The following LIMS1 variants were observed in gnomAD, a reference collection of about 807,000 sequenced individuals.
The protein encoded by LIMS1 is LIM zinc finger domain containing 1, also known as LIM and senescent cell antigen-like-containing domain protein 1.
In LIMS1, 18 loss-of-function variants were observed where a neutral mutation model predicts 44.1. That is an observed-to-expected ratio of 0.41 (90% CI 0.28 to 0.61). The LOEUF (loss-of-function observed/expected upper bound fraction) is 0.61. Among genes scored for constraint, LIMS1 ranks in the 20% least tolerant of loss-of-function variants. LIMS1 has a pLI of 0.32. For synonymous variants in LIMS1, 93 were observed against 149.1 expected (o/e 0.62, Z 2.74); for missense variants, 201 against 422.0 (o/e 0.48, Z 4.59).
At chr2:108,535,119 G>T (rs1258845749) in intron 1 of LIMS1, among the ~76,000 whole-genome samples, 2 of 152,182 alleles carry the variant, frequency 1.3e-5, no homozygotes, top group South Asian at 2.1e-4. Context: ...GGGACGACTG[G>T]CGTCCTTTAC....
chr2:108,670,425 G>A (rs1245638461), intron 2 of LIMS1, among the ~76,000 whole-genome samples: 1 of 151,958 alleles, frequency 6.6e-6, no homozygotes, highest in Non-Finnish European at 1.5e-5. Flanking sequence ...GAGGAGAGTT[G>A]TATGTATGTG....
chr2:108,656,318 TATAGATA>T (rs1690840832), intron 1 of LIMS1, among the ~76,000 whole-genome samples: 2 of 84,256 alleles, frequency 2.4e-5, no homozygotes, highest in Non-Finnish European at 5.5e-5. Context: ...TCTATCTATC[TATAGATA>T]GATAGATAGA....
intron 1 of LIMS1, among the ~76,000 whole-genome samples, chr2:108,551,929 A>G (rs61162811): frequency 1.8e-3 from 245 of 135,716 alleles, no homozygotes; most frequent in African/African-American, 6.0e-3. Context: ...ATGTGTATAT[A>G]TGTGTGTGTG....
chr2:108,564,699 A>AT (rs1685235767), intron 1 of LIMS1, among the ~76,000 whole-genome samples: 1 of 152,068 alleles, frequency 6.6e-6, no homozygotes, highest in Admixed American at 6.5e-5. Flanking sequence ...ACGTCATACG[A>AT]TTTAGTATAC....
At chr2:108,576,264 A>AGTTTTGTTTTGTTTT (rs10628741) in intron 1 of LIMS1, among the ~76,000 whole-genome samples, 2 of 152,100 alleles carry the variant, frequency 1.3e-5, no homozygotes, top group African/African-American at 4.8e-5. Context: ...CAACTAAGCA[A>AGTTTTGTTTTGTTTT]GTTTTGTTTT....
intron 1 of LIMS1, chr2:108,588,465 T>C: frequency 3.0e-6 from 3 of 985,616 alleles, no homozygotes; most frequent in Non-Finnish European, 3.6e-6. Flanking sequence ...GGAGGTTCTT[T>C]ACTCTTGAAT....
In LIMS1 at chr2:108,584,271, G is replaced by T. The variant is rs184031279; in HGVS notation, c.32+49677G>T. ...CTTAGGGTAACAGAGGAAAAACATA[G>T]ACATGTTCCCTGTTCCCACCATGCT... On this transcript the variant is annotated intron_variant, in intron 1 of 9. Transcript: ENST00000544547. Among the ~76,000 whole-genome samples, 108 of 152,296 alleles carry T rather than the reference G, an allele frequency of 7.1e-4. 1 individual carries two copies. Among genetic ancestry groups the T allele is most frequent in the Non-Finnish European group, 1.2e-3 (82 of 68,024 alleles).
intron 1 of LIMS1, among the ~76,000 whole-genome samples, chr2:108,636,048 G>A (rs1377181165): frequency 3.9e-5 from 6 of 152,152 alleles, no homozygotes; most frequent in Non-Finnish European, 8.8e-5. Flanking sequence ...ACAAGGTTTT[G>A]GAGTAATAAG....
In LIMS1 at chr2:108,627,844, A is replaced by G. The variant is rs537147724; in HGVS notation, c.33-31761A>G. Among the ~76,000 whole-genome samples the G allele has an allele frequency of 2.2e-4, 33 of 152,386 alleles. No homozygotes were observed. In the South Asian group the frequency reaches 4.6e-3, roughly 21 times the overall value. ...AATCTTCTTTTAGAAGTAATTATTA[A>G]ATATGTTTCACATAAATATGAACCT... On this transcript the variant is annotated intron_variant, in intron 1 of 9. Coordinates refer to ENST00000544547, the Ensembl canonical transcript of LIMS1.
rs563295141 is a variant in LIMS1, at chr2:108,620,312, G to A, written c.33-39293G>A. On this transcript the variant is annotated intron_variant, in intron 1 of 9. Transcript: ENST00000544547. Reference sequence around the variant, plus strand: ...TCGAGAAGGTTCTAAAAGGAAAAGAGGCTGGTATAAATTGCCCAGAGAAAA... The same window carrying A: ...TCGAGAAGGTTCTAAAAGGAAAAGAAGCTGGTATAAATTGCCCAGAGAAAA... Among the ~76,000 whole-genome samples the A allele has an allele frequency of 1.6e-3, 250 of 152,184 alleles. 3 individuals are homozygous for A. The highest frequency in any genetic ancestry group is 1.4e-3 in the Non-Finnish European group (96 of 68,050).
chr2:108,553,417 T>C (rs572715684), intron 1 of LIMS1, among the ~76,000 whole-genome samples: 1 of 152,168 alleles, frequency 6.6e-6, no homozygotes, highest in Non-Finnish European at 1.5e-5. Context: ...CAGGAGTAAG[T>C]GCGGGTCATA....
intron 1 of LIMS1, among the ~76,000 whole-genome samples, chr2:108,570,872 G>A (rs897393163): frequency 1.3e-5 from 2 of 152,210 alleles, no homozygotes; most frequent in African/African-American, 4.8e-5. Flanking sequence ...CTAAGTGTTA[G>A]CCGTCAGCTA....
chr2:108,578,824 G>C (rs1573363002), intron 1 of LIMS1, among the ~76,000 whole-genome samples: 1 of 152,130 alleles, frequency 6.6e-6, no homozygotes, highest in South Asian at 2.1e-4. Context: ...TCAATCTCCT[G>C]ACCTCGTGAT....
intron 1 of LIMS1, among the ~76,000 whole-genome samples, chr2:108,571,543 C>A (rs932951479): frequency 8.5e-5 from 13 of 152,090 alleles, no homozygotes; most frequent in African/African-American, 3.1e-4. Flanking sequence ...TGCACGGAAT[C>A]CTGTTACTCA....
At chr2:108,628,654 C>CG (rs1224739948) in intron 1 of LIMS1, among the ~76,000 whole-genome samples, 6 of 152,120 alleles carry the variant, frequency 3.9e-5, no homozygotes, top group African/African-American at 9.7e-5. Context: ...TTAGTAGAGA[C>CG]GGGGTTTCAC....
At chr2:108,607,328 C>A in intron 1 of LIMS1, 1 of 1,386,742 alleles carries the variant, frequency 7.2e-7, no homozygotes, top group Non-Finnish European at 1.0e-6. Flanking sequence ...TTGAGCACAC[C>A]AGTTGTCTGG....
At chr2:108,608,548 C>T (rs1476775404) in intron 1 of LIMS1, among the ~76,000 whole-genome samples, 1 of 152,196 alleles carries the variant, frequency 6.6e-6, no homozygotes, top group Non-Finnish European at 1.5e-5. Context: ...TCATGATCTG[C>T]CCTCCTCGGC....
At chr2:108,681,512 A>G (rs1180590285) in intron 9 of LIMS1, 1 of 977,588 alleles carries the variant, frequency 1.0e-6, no homozygotes, top group Admixed American at 6.1e-5. Context: ...TGTCTGATTA[A>G]CTGTAGCTTT....
intron 1 of LIMS1, among the ~76,000 whole-genome samples, chr2:108,599,039 A>G (rs1686863386): frequency 6.6e-6 from 1 of 151,898 alleles, no homozygotes; most frequent in South Asian, 2.1e-4. Context: ...AAACAATCCA[A>G]TTATATTATT....
Sources: allele counts gnomAD v4.1 joint callset (sites outside exome capture counted in the v4.1 genomes callset), GRCh38; gene constraint gnomAD v4.1.1; transcripts MANE v1.5; gene names NCBI Gene and HGNC (gene_info 2026-07-23, HGNC 2026-07-21).